Variants in MAPT observed in about 807,000 individuals in gnomAD.
MAPT encodes microtubule-associated protein tau.
In MAPT, 34 loss-of-function variants were observed where a neutral mutation model predicts 67.9. That is an observed-to-expected ratio of 0.50 (90% CI 0.38 to 0.67). MAPT has a LOEUF of 0.67. MAPT is among the 30% of genes least tolerant of loss of function. The probability of loss-of-function intolerance (pLI) is 0.00; values close to 1 mark genes in which losing one functional copy is unlikely to be tolerated. For synonymous variants in MAPT, 456 were observed against 464.5 expected, an observed-to-expected ratio of 0.98 and a Z score of 0.23; for missense variants, 881 against 1,115.2, an observed-to-expected ratio of 0.79 and a Z score of 2.99.
chr17:45,965,950 C>T (rs773013973), intron 2 of MAPT, among the ~76,000 whole-genome samples: 1 of 152,216 alleles, frequency 6.6e-6, no homozygotes, highest in African/African-American at 2.4e-5. Context: ...GCTGCCAGAG[C>T]AGGTCCATGG....
chr17:45,920,768 C>T (rs1177510632), intron 1 of MAPT, among the ~76,000 whole-genome samples: 3 of 152,104 alleles, frequency 2.0e-5, no homozygotes, highest in Non-Finnish European at 2.9e-5. Flanking sequence ...CTGAGGTCCC[C>T]GAGAGAGTGG....
rs373443497 is a variant in MAPT at position 45,983,309 on chromosome 17, C to T, written c.730C>T (p.Gln244Ter). The T allele has an allele frequency of 1.2e-5, 19 of 1,600,532 alleles. No individual in the cohort carries two copies. In the African/African-American group the frequency reaches 2.5e-4, roughly 21 times the overall value. ...TGAGGGCCCCAGAGAGGCCACACGCCAACCTTCGGGGACAGGACCTGAGGA... is the reference window on the plus strand; with the variant it reads ...TGAGGGCCCCAGAGAGGCCACACGCTAACCTTCGGGGACAGGACCTGAGGA... Reference protein sequence around the residue: ...LPEGPREATRQPSGTGPEDTE... With the variant: ...LPEGPREATR Residue 244 changes from glutamine (Q) to a stop codon, truncating the protein, a stop_gained, in exon 5 of 13, where the codon CAA becomes TAA. Coordinates refer to ENST00000262410, the MANE Select transcript of MAPT (RefSeq NM_001377265.1). LOFTEE classifies it high-confidence loss of function.
chr17:46,024,071 G>C lies in MAPT; in HGVS notation c.2402G>C (p.Ser801Thr). 6.2e-7 allele frequency: 1 copy of C among 1,614,144 alleles called. No homozygotes were observed. The highest frequency in any genetic ancestry group is 8.5e-7 in the Non-Finnish European group (1 of 1,180,030). Residue 801 changes from serine (S) to threonine (T), a missense_variant, in exon 13 of 13, where the codon AGC becomes ACC. Physicochemically the swap from Ser to Thr is moderately conservative, Grantham distance 58. This residue lies in a region of MAPT where 79 missense variants were observed against 150.9 expected (regional missense o/e 0.52). Transcript: ENST00000262410. ...GGGGACACGTCTCCACGGCATCTCA[G>C]CAATGTCTCCTCCACCGGCAGCATC... The part of the protein sequence containing the change: ...VSGDTSPRHL[S>T]NVSSTGSIDM...
rs1177094945 is a variant in MAPT at position 45,946,615 on chromosome 17, AATATAT to A, written c.-17-15687_-17-15682del. The stretch of plus-strand genomic sequence containing the variant: ...CTCTGTCTTAAAAAAAAAAAAAAAA[AATATAT>A]ATATATATATATATATATGTCAAAA... On this transcript the variant is annotated intron_variant, in intron 1 of 12. Coordinates refer to ENST00000262410, the MANE Select transcript of MAPT (RefSeq NM_001377265.1). 6.8e-4 allele frequency among the ~76,000 whole-genome samples: 68 copies of A among 100,400 alleles called. 6 individuals are homozygous for A. The highest frequency in any genetic ancestry group is 2.1e-3 in the East Asian group (10 of 4,694). The allele number at this position is 100,400 out of a possible 152,430, so 65.9% of individuals were successfully genotyped here.
chr17:45,961,918 G>A (rs1424756409), intron 1 of MAPT, among the ~76,000 whole-genome samples: 1 of 152,074 alleles, frequency 6.6e-6, no homozygotes, highest in African/African-American at 2.4e-5. Context: ...TGGGATTACA[G>A]GCACCTGCCA....
chr17:45,959,757 G>T (rs761188539), intron 1 of MAPT, among the ~76,000 whole-genome samples: 3 of 152,002 alleles, frequency 2.0e-5, no homozygotes, highest in Non-Finnish European at 2.9e-5. Flanking sequence ...CTCCAGCCTG[G>T]GTGACAAGAG....
intron 1 of MAPT, among the ~76,000 whole-genome samples, chr17:45,934,891 C>G (rs1008711731): frequency 1.3e-5 from 2 of 152,004 alleles, no homozygotes; most frequent in African/African-American, 4.8e-5. Flanking sequence ...GTTTCCCCCC[C>G]GCTTCTTAGA....
chr17:45,963,939 G>T (rs1274850685), intron 2 of MAPT, among the ~76,000 whole-genome samples: 8 of 152,194 alleles, frequency 5.3e-5, no homozygotes, highest in Admixed American at 5.2e-4. Context: ...GTGGGTTGGG[G>T]GTAGGTGAAG....
chr17:45,997,587 G>T (rs549703338), intron 9 of MAPT, among the ~76,000 whole-genome samples: 4 of 152,114 alleles, frequency 2.6e-5, no homozygotes, highest in African/African-American at 9.7e-5. Context: ...GTGAAACCTC[G>T]TCTCTACTAA....
Position 45,983,689 on chromosome 17 carries a change from G to C in MAPT, c.1110G>C (p.Gln370His). The change falls in exon 5 of 13, where the codon CAG (glutamine) becomes CAC (histidine). Residue 370 changes from glutamine (Q) to histidine (H), a missense_variant. Gln to His is a conservative substitution (Grantham distance 24). Transcript: ENST00000262410. ...CCAGTGTAGGGCGGGCCAAAGGGCA[G>C]GATGCCCCCCTGGAGTTCACGTTTC... is the stretch of plus-strand genomic sequence containing the variant. ...DGPSVGRAKG[Q>H]DAPLEFTFHV... The C allele has an allele frequency of 6.2e-7, 1 of 1,614,130 alleles. No individual in the cohort carries two copies. Among genetic ancestry groups the C allele is most frequent in the Non-Finnish European group, 8.5e-7 (1 of 1,179,998 alleles).
At chr17:45,990,179 G>T in intron 7 of MAPT, 104 bp downstream of exon 7, 1 of 1,062,274 alleles carries the variant, frequency 9.4e-7, no homozygotes, top group East Asian at 2.4e-5. Context: ...CTTCAAATGA[G>T]TTCTGGCATA....
intron 3 of MAPT, chr17:45,977,861 C>T (rs1448822229): frequency 6.1e-6 from 1 of 163,300 alleles, no homozygotes; most frequent in Non-Finnish European, 1.4e-5. Context: ...CATCCTTCTA[C>T]AAGACAAACT....
chr17:45,948,940 A>C (rs2068775694), intron 1 of MAPT, among the ~76,000 whole-genome samples: 1 of 152,178 alleles, frequency 6.6e-6, no homozygotes, highest in Admixed American at 6.5e-5. Context: ...TTCTAGGTTT[A>C]TCTCTGCTTG....
intron 9 of MAPT, among the ~76,000 whole-genome samples, chr17:46,003,692 C>T (rs1477210628): frequency 6.6e-6 from 1 of 152,194 alleles, no homozygotes; most frequent in Admixed American, 6.5e-5. Context: ...TCGTTTGCCT[C>T]TCCTCAATCA....
At chr17:45,928,857 A>G (rs1967982) in intron 1 of MAPT, among the ~76,000 whole-genome samples, 99,313 of 151,850 alleles carry the variant, frequency 0.65, 32,611 homozygotes, top group Middle Eastern at 0.68. Flanking sequence ...CACCACGCCC[A>G]GCTAATTTTT....
intron 2 of MAPT, among the ~76,000 whole-genome samples, chr17:45,970,244 ACATT>A (rs2071524220): frequency 6.6e-6 from 1 of 152,236 alleles, no homozygotes; most frequent in African/African-American, 2.4e-5. Flanking sequence ...ATCCAATTAC[ACATT>A]CATACACCCA....
At chr17:45,913,251 A>G (rs141416767) in intron 1 of MAPT, among the ~76,000 whole-genome samples, 5 of 152,218 alleles carry the variant, frequency 3.3e-5, no homozygotes, top group African/African-American at 1.2e-4. Flanking sequence ...ACAGGGAGAG[A>G]GAGCTTGTGC....
intron 1 of MAPT, among the ~76,000 whole-genome samples, chr17:45,913,262 A>G (rs1003433639): frequency 6.6e-6 from 1 of 152,222 alleles, no homozygotes; most frequent in Non-Finnish European, 1.5e-5. Context: ...GAGCTTGTGC[A>G]GGGGAACTCC....
intron 1 of MAPT, among the ~76,000 whole-genome samples, chr17:45,910,384 T>G (rs968868449): frequency 1.3e-5 from 2 of 152,116 alleles, no homozygotes; most frequent in Admixed American, 1.3e-4. Context: ...TGGAGTCCCG[T>G]GGCTAATTTG....
Sources: gnomAD v4.1 joint callset for allele counts (sites outside exome capture counted in the v4.1 genomes callset) on GRCh38, gnomAD v4.1.1 for gene constraint, gnomAD v4.1.1 regional missense constraint, MANE v1.5 for transcripts, NCBI Gene and HGNC (gene_info 2026-07-23, HGNC 2026-07-21) for gene names.